Variants in BACE2 observed in about 807,000 individuals in gnomAD.
BACE2 encodes beta-secretase 2, also known as 56 kDa aspartic-like protease.
BACE2 carries 17 observed loss-of-function variants against 46.2 expected under a neutral mutation model. The ratio of observed to expected loss-of-function variants is 0.37; its 90% CI spans 0.25 to 0.55. The LOEUF is 0.55. Among genes scored for constraint, BACE2 ranks in the 20% least tolerant of loss-of-function variants. The pLI is 0.82. For missense variants in BACE2, 595 were observed against 698.1 expected, an observed-to-expected ratio of 0.85 and a Z score of 1.66; for synonymous variants, 277 against 295.9, an observed-to-expected ratio of 0.94 and a Z score of 0.66.
At chr21:41,189,771 G>A (rs961492541) in intron 1 of BACE2, among the ~76,000 whole-genome samples, 2 of 152,174 alleles carry the variant, frequency 1.3e-5, no homozygotes, top group African/African-American at 4.8e-5. Flanking sequence ...CAGAATAGGA[G>A]ATAGATATAG....
At position 41,246,269 on chromosome 21, in the gene BACE2, A is replaced by G. The variant is rs550336567; in HGVS notation, c.984+206A>G. The G allele has an allele frequency of 1.0e-4, 31 of 304,288 alleles. 1 individual carries two copies. Among genetic ancestry groups the G allele is most frequent in the Non-Finnish European group, 1.7e-4 (28 of 169,462 alleles). The allele number at this position is 304,288 out of a possible 1,614,324, so 18.8% of individuals were successfully genotyped here. ...TGTATTTAAAATCTTTATATTTTGAAGGGTTTTGTTTCAACTATTACTTGT... is the reference window on the plus strand; with the variant it reads ...TGTATTTAAAATCTTTATATTTTGAGGGGTTTTGTTTCAACTATTACTTGT... On this transcript the variant is annotated intron_variant, in intron 6 of 8. Coordinates refer to ENST00000330333, the MANE Select transcript of BACE2 (RefSeq NM_012105.5).
intron 1 of BACE2, chr21:41,181,281 G>A (rs1985111634): frequency 6.0e-6 from 1 of 167,070 alleles, no homozygotes; most frequent in Non-Finnish European, 1.5e-5. Context: ...AACCCAACTA[G>A]GGCACCAAGA....
At chr21:41,247,256 G>A (rs1438244749) in intron 6 of BACE2, among the ~76,000 whole-genome samples, 2 of 152,210 alleles carry the variant, frequency 1.3e-5, no homozygotes, top group African/African-American at 2.4e-5. Flanking sequence ...AGAGCGGCAC[G>A]TGGATGAAAC....
At chr21:41,206,016 G>C (rs1340399108) in intron 1 of BACE2, among the ~76,000 whole-genome samples, 1 of 152,190 alleles carries the variant, frequency 6.6e-6, no homozygotes, top group Admixed American at 6.5e-5. Flanking sequence ...ATAGCAAAAG[G>C]TGGAAACAAC....
chr21:41,275,378 A>T lies in BACE2; in HGVS notation c.1311A>T (p.Ala437=), dbSNP rs1233883847. The part of the protein sequence containing the change: ...GFAASPCAEI[A]GAAVSEISGP... The stretch of plus-strand genomic sequence containing the variant: ...CCCTTTCTGTCTCCCCAGAAATTGC[A>T]GGTGCTGCAGTGTCTGAAATTTCCG... The change falls in exon 9 of 9, where the codon GCA becomes GCT. Residue 437 remains alanine (A), a synonymous_variant. Transcript: ENST00000330333. 6.2e-7 allele frequency: 1 copy of T among 1,614,078 alleles called. No individual in the cohort carries two copies. The highest frequency in any genetic ancestry group is 8.5e-7 in the Non-Finnish European group (1 of 1,179,992).
At chr21:41,213,546 G>A (rs1046606489) in intron 1 of BACE2, among the ~76,000 whole-genome samples, 6 of 152,148 alleles carry the variant, frequency 3.9e-5, no homozygotes, top group East Asian at 1.9e-4. Context: ...AGGCCAAGGC[G>A]GGCGGATCAC....
chr21:41,267,148 G>A (rs949519682), intron 8 of BACE2, among the ~76,000 whole-genome samples: 2 of 152,128 alleles, frequency 1.3e-5, no homozygotes, highest in Non-Finnish European at 2.9e-5. Flanking sequence ...ATGGCGGTGG[G>A]TGGGAAGGTG....
At chr21:41,176,339 C>T (rs1984839021) in intron 1 of BACE2, 2 of 152,140 alleles carry the variant, frequency 1.3e-5, no homozygotes, top group African/African-American at 2.4e-5. Context: ...AAACCAGCTG[C>T]CGATGGTTCC....
chr21:41,197,839 G>A (rs995628627), intron 1 of BACE2, among the ~76,000 whole-genome samples: 1 of 152,172 alleles, frequency 6.6e-6, no homozygotes, highest in African/African-American at 2.4e-5. Context: ...TTGAAAGCAG[G>A]TTGGCTGGTC....
chr21:41,241,614 C>G, intron 3 of BACE2: 1 of 552,970 alleles, frequency 1.8e-6, no homozygotes, highest in Non-Finnish European at 3.2e-6. Context: ...CAGAGCCGTG[C>G]CCAAAGGAAG....
intron 8 of BACE2, among the ~76,000 whole-genome samples, chr21:41,273,225 G>T (rs2088451496): frequency 6.6e-6 from 1 of 152,218 alleles, no homozygotes; most frequent in African/African-American, 2.4e-5. Context: ...TGCTAATGAA[G>T]CTTTGGGCAC....
At chr21:41,241,783 C>T (rs1348610385) in intron 3 of BACE2, 36 bp from the exon 4 acceptor site, 2 of 1,612,494 alleles carry the variant, frequency 1.2e-6, no homozygotes, top group Admixed American at 1.7e-5. Flanking sequence ...CACTGTGAGT[C>T]CTAAGCGGGT....
In BACE2 at chr21:41,241,825, A is replaced by G; in HGVS notation, c.625A>G (p.Ser209Gly). 6.2e-7 allele frequency: 1 copy of G among 1,614,134 alleles called. No homozygotes were observed. Among genetic ancestry groups the G allele is most frequent in the South Asian group, 1.1e-5 (1 of 91,070 alleles). ...LAYATLAKPS[S>G]SLETFFDSLV... ...CTCTGTCGCCCTCCCGCAGCCATCA[A>G]GTTCTCTGGAGACCTTCTTCGACTC... Residue 209 changes from serine (S) to glycine (G), a missense_variant, in exon 4 of 9, where the codon AGT (serine) becomes GGT (glycine). This residue lies in a region of BACE2 where 343 missense variants were observed against 419.4 expected (regional missense o/e 0.82). Transcript: ENST00000330333.
chr21:41,223,225 G>A (rs867896006), intron 1 of BACE2, among the ~76,000 whole-genome samples: 1 of 151,988 alleles, frequency 6.6e-6, no homozygotes, highest in Non-Finnish European at 1.5e-5. Context: ...GCATGGTGGT[G>A]CACGCCTGTG....
chr21:41,226,329 A>G lies in BACE2; in HGVS notation c.376A>G (p.Ile126Val), dbSNP rs144771867. 2.5e-6 allele frequency: 4 copies of G among 1,614,160 alleles called. No individual in the cohort carries two copies. The highest frequency in any genetic ancestry group is 3.4e-6 in the Non-Finnish European group (4 of 1,180,030). Residue 126 changes from isoleucine to valine, a missense_variant, in exon 2 of 9, where the codon ATA becomes GTA. By Grantham distance (29) the Ile-to-Val change is conservative. Transcript: ENST00000330333. ...FAVAGTPHSY[I>V]DTYFDTERSS... is the part of the protein sequence containing the mutation. Reference sequence around the variant, plus strand: ...CGTGGCAGGAACCCCGCACTCCTACATAGACACGTACTTTGACACAGAGAG... The same window carrying G: ...CGTGGCAGGAACCCCGCACTCCTACGTAGACACGTACTTTGACACAGAGAG...
At chr21:41,256,657 A>G (rs1601314384) in intron 7 of BACE2, among the ~76,000 whole-genome samples, 1 of 152,144 alleles carries the variant, frequency 6.6e-6, no homozygotes, top group Non-Finnish European at 1.5e-5. Flanking sequence ...TGGAAGCCCC[A>G]CTTTGACTTG....
intron 3 of BACE2, among the ~76,000 whole-genome samples, chr21:41,240,801 A>C (rs1415800143): frequency 6.6e-6 from 1 of 152,220 alleles, no homozygotes; most frequent in Admixed American, 6.5e-5. Context: ...GTAGGAGGTC[A>C]AACACAAATG....
intron 1 of BACE2, chr21:41,182,803 G>A: frequency 6.0e-6 from 1 of 166,880 alleles, no homozygotes. Flanking sequence ...TCTAGGATAG[G>A]GAATTTACTA....
At chr21:41,261,051 A>G (rs1001683753) in intron 8 of BACE2, among the ~76,000 whole-genome samples, 1 of 152,198 alleles carries the variant, frequency 6.6e-6, no homozygotes, top group Admixed American at 6.5e-5. Flanking sequence ...GAATGTACCC[A>G]GATTACCCAT....
Sources: allele counts gnomAD v4.1 joint callset (sites outside exome capture counted in the v4.1 genomes callset), GRCh38; gene constraint gnomAD v4.1.1; regional missense constraint gnomAD v4.1.1; transcripts MANE v1.5; gene names NCBI Gene and HGNC (gene_info 2026-07-23, HGNC 2026-07-21).